RNF128: variants seen among roughly 807,000 people sequenced by gnomAD.
RNF128 encodes the protein ring finger protein 128.
A neutral mutation model predicts 26.2 loss-of-function variants in RNF128; 13 were observed. That is an observed-to-expected ratio of 0.50 (90% CI 0.32 to 0.79). The LOEUF is 0.79. Among genes scored for constraint, RNF128 ranks in the 30% least tolerant of loss-of-function variants. The probability of loss-of-function intolerance (pLI) is 0.03; values close to 1 mark genes in which losing one functional copy is unlikely to be tolerated. For missense variants in RNF128, 315 were observed against 349.7 expected, an observed-to-expected ratio of 0.90 and a Z score of 0.79; for synonymous variants, 149 against 142.5, an observed-to-expected ratio of 1.05 and a Z score of -0.32.
intron 3 of RNF128, among the ~76,000 whole-genome samples, chrX:106,785,951 A>C (rs187296807): frequency 8.9e-6 from 1 of 111,986 alleles, no homozygotes; most frequent in East Asian, 2.8e-4. Context: ...AACATATACC[A>C]TGTTCATGGG....
At chrX:106,783,463 C>G (rs1329170667) in intron 2 of RNF128, among the ~76,000 whole-genome samples, 2 of 111,422 alleles carry the variant, frequency 1.8e-5, no homozygotes, top group Non-Finnish European at 3.8e-5. Context: ...TACATTATCT[C>G]TAATTTTCAT....
intron 1 of RNF128, among the ~76,000 whole-genome samples, chrX:106,768,611 T>C (rs945498444): frequency 2.7e-5 from 3 of 111,868 alleles, no homozygotes; most frequent in Non-Finnish European, 5.6e-5. Context: ...TCTCTTTTCT[T>C]CTTTATTTGT....
chrX:106,784,770 A>G (rs1282104421), intron 2 of RNF128, among the ~76,000 whole-genome samples: 4 of 111,642 alleles, frequency 3.6e-5, no homozygotes, highest in East Asian at 2.8e-4. Context: ...TTGAAAATTC[A>G]TAGTATTTGA....
chrX:106,701,640 T>A (rs1452701886), intron 1 of RNF128, among the ~76,000 whole-genome samples: 2 of 111,628 alleles, frequency 1.8e-5, no homozygotes, highest in Non-Finnish European at 3.8e-5. Flanking sequence ...TACAATTTTA[T>A]TAGTGCCCTG....
chrX:106,726,694 G>T (rs1025283841), upstream of RNF128: 4 of 1,018,571 alleles, frequency 3.9e-6, no homozygotes, highest in Non-Finnish European at 3.7e-6. Context: ...AGCCCGACGC[G>T]GCAGCCGCGG....
At chrX:106,725,414 T>G (rs1324031107), upstream of RNF128, among the ~76,000 whole-genome samples, 3 of 111,853 alleles carry the variant, frequency 2.7e-5, no homozygotes, top group African/African-American at 9.8e-5. Flanking sequence ...TCTTTGTAAA[T>G]AACATTGATT....
intron 1 of RNF128, among the ~76,000 whole-genome samples, chrX:106,728,176 C>G (rs1476499073): frequency 9.0e-6 from 1 of 111,705 alleles, no homozygotes; most frequent in African/African-American, 3.3e-5. Context: ...ACAAACTTCC[C>G]TATTTGTGAT....
Position 106,795,618 on chromosome X carries a change from G to A in RNF128, c.1192G>A (p.Val398Met), listed in dbSNP as rs1472726226. 5.8e-6 allele frequency: 7 copies of A among 1,199,053 alleles called. No homozygotes were observed. Among genetic ancestry groups the A allele is most frequent in the South Asian group, 3.7e-5 (2 of 54,227 alleles). Residue 398 changes from valine to methionine, a missense_variant, in exon 7 of 7, where the codon GTG becomes ATG. By Grantham distance (21) the Val-to-Met change is conservative. Transcript: ENST00000255499. ...GCTGGTAAACCATGAAGCAAATTCT[G>A]TGGCAGTGGATGTTATTCCTCATGT... is the stretch of plus-strand genomic sequence containing the variant. ...LQLVNHEANSVAVDVIPHVDN... is the reference protein window; with the variant it reads ...LQLVNHEANSMAVDVIPHVDN...
At chrX:106,777,317 A>G (rs1300664834) in intron 2 of RNF128, among the ~76,000 whole-genome samples, 3 of 112,141 alleles carry the variant, frequency 2.7e-5, no homozygotes, top group African/African-American at 6.5e-5. Context: ...GTGGCCATAG[A>G]TCAAGGGAAT....
intron 1 of RNF128, among the ~76,000 whole-genome samples, chrX:106,749,390 A>T (rs1386136169): frequency 8.9e-6 from 1 of 112,197 alleles, no homozygotes; most frequent in African/African-American, 3.2e-5. Flanking sequence ...GATAGAAAAA[A>T]GCTAAAGGGA....
At chrX:106,752,871 T>C (rs766033255) in intron 1 of RNF128, among the ~76,000 whole-genome samples, 2 of 111,210 alleles carry the variant, frequency 1.8e-5, no homozygotes, top group South Asian at 7.7e-4. Flanking sequence ...TGAAATACTT[T>C]AAAAAAATCA....
At chrX:106,754,643 A>G (rs2147683305) in intron 1 of RNF128, among the ~76,000 whole-genome samples, 1 of 109,520 alleles carries the variant, frequency 9.1e-6, no homozygotes, top group South Asian at 3.9e-4. Context: ...GAAACTTTGG[A>G]AACTATACAA....
chrX:106,726,709 G>T lies in RNF128; in HGVS notation c.-205G>T, dbSNP rs902434810. ...AGCCCGACGCGGCAGCCGCGGTAGC[G>T]GAGAAGACTGGAGCTCCGAGGAGCT... On this transcript the variant is annotated 5_prime_UTR_variant, in exon 1 of 7. Coordinates refer to ENST00000255499, the MANE Select transcript of RNF128 (RefSeq NM_194463.2). 2.8e-5 allele frequency: 29 copies of T among 1,026,906 alleles called. No homozygotes were observed. Among genetic ancestry groups the T allele is most frequent in the Non-Finnish European group, 3.3e-5 (27 of 811,471 alleles). 84.6% of individuals were successfully genotyped at this position (1,026,906 alleles called of 1,213,427 possible).
At chrX:106,740,714 C>T (rs974963944) in intron 1 of RNF128, among the ~76,000 whole-genome samples, 2 of 111,248 alleles carry the variant, frequency 1.8e-5, no homozygotes, top group African/African-American at 6.5e-5. Context: ...GGATTACAGA[C>T]ATGAGCAACC....
At chrX:106,770,635 A>G (rs1008961358) in intron 1 of RNF128, among the ~76,000 whole-genome samples, 19 of 111,228 alleles carry the variant, frequency 1.7e-4, no homozygotes, top group African/African-American at 5.9e-4. Context: ...TGTTTATTCT[A>G]GTTAGCCATT....
At chrX:106,744,820 A>G (rs1024641377) in intron 1 of RNF128, among the ~76,000 whole-genome samples, 7 of 112,086 alleles carry the variant, frequency 6.2e-5, no homozygotes, top group South Asian at 3.7e-4. Context: ...GTAAATATCA[A>G]TAGAAATAAT....
At chrX:106,793,894 C>T (rs1930870365) in intron 6 of RNF128, among the ~76,000 whole-genome samples, 1 of 110,947 alleles carries the variant, frequency 9.0e-6, no homozygotes, top group South Asian at 3.8e-4. Flanking sequence ...TGGTGTCTGC[C>T]AGGTTTCTCC....
At chrX:106,774,295 A>G (rs1458172546) in intron 2 of RNF128, among the ~76,000 whole-genome samples, 4 of 112,016 alleles carry the variant, frequency 3.6e-5, no homozygotes, top group Admixed American at 9.5e-5. Flanking sequence ...ATCTGCGTCT[A>G]TCCTATTCCC....
At chrX:106,696,525 TG>T in intron 1 of RNF128, among the ~76,000 whole-genome samples, 1 of 111,720 alleles carries the variant, frequency 9.0e-6, no homozygotes, top group East Asian at 2.8e-4. Context: ...TGTTTTGTTT[TG>T]TTTTGACACA....
Sources: gnomAD v4.1 joint callset for allele counts (sites outside exome capture counted in the v4.1 genomes callset) on GRCh38, gnomAD v4.1.1 for gene constraint, MANE v1.5 for transcripts, NCBI Gene and HGNC (gene_info 2026-07-23, HGNC 2026-07-21) for gene names.